SLC35A3: variants seen among roughly 807,000 people sequenced by gnomAD.
SLC35A3 encodes the protein solute carrier family 35 member A3.
A neutral mutation model predicts 39.0 loss-of-function variants in SLC35A3; 26 were observed. The observed-to-expected ratio is 0.67, with a 90% CI of 0.49 to 0.92. The LOEUF (loss-of-function observed/expected upper bound fraction) is 0.92. Among genes scored for constraint, SLC35A3 ranks in the 40% least tolerant of loss-of-function variants. The pLI is 0.00. For synonymous variants in SLC35A3, 135 were observed against 133.1 expected (o/e 1.01, Z -0.10); for missense variants, 299 against 371.6 (o/e 0.80, Z 1.61).
In SLC35A3 at chr1:99,993,625, T is replaced by C; in HGVS notation, c.71T>C (p.Met24Thr). The C allele has an allele frequency of 6.2e-7, 1 of 1,614,094 alleles. No individual in the cohort carries two copies. Among genetic ancestry groups the C allele is most frequent in the Non-Finnish European group, 8.5e-7 (1 of 1,179,966 alleles). The change falls in exon 2 of 8, where the codon ATG becomes ACG. Residue 24 changes from methionine to threonine, a missense_variant. By Grantham distance (81) the Met-to-Thr change is moderately conservative. Coordinates refer to ENST00000533028, the MANE Select transcript of SLC35A3 (RefSeq NM_012243.3). ...VFQTTSLVLT[M>T]RYSRTLKEEG... is the part of the protein sequence containing the mutation. Reference sequence around the variant, plus strand: ...CAGACTACCAGTTTGGTTCTAACAATGCGTTATTCCAGAACTTTAAAAGAA... The same window carrying C: ...CAGACTACCAGTTTGGTTCTAACAACGCGTTATTCCAGAACTTTAAAAGAA...
At chr1:100,012,579 CATG>C (rs1557842444) in intron 5 of SLC35A3, among the ~76,000 whole-genome samples, 1 of 152,118 alleles carries the variant, frequency 6.6e-6, no homozygotes, top group Non-Finnish European at 1.5e-5. Context: ...CAAAGATTAA[CATG>C]ATAAGATCCA....
At position 100,015,432 on chromosome 1, in the gene SLC35A3, A is replaced by G. The variant is rs756621056; in HGVS notation, c.753+12A>G. On this transcript the variant is annotated intron_variant, in intron 6 of 7. Coordinates refer to ENST00000533028, the MANE Select transcript of SLC35A3 (RefSeq NM_012243.3). Reference sequence around the variant, plus strand: ...TAGTTGTTCTTCAGGTAAAGCATTTAAAGTCTTAGATTTAATGCTAATAAA... The same window carrying G: ...TAGTTGTTCTTCAGGTAAAGCATTTGAAGTCTTAGATTTAATGCTAATAAA... 6 of 1,593,984 alleles carry G rather than the reference A, an allele frequency of 3.8e-6. No individual in the cohort carries two copies. The South Asian group carries it at 6.9e-5, about 18-fold the overall frequency.
Position 100,034,908 on chromosome 1 carries a change from CATTA to C in SLC35A3, c.*12436_*12439del, listed in dbSNP as rs772207488. 2.0e-5 allele frequency: 3 copies of C among 152,154 alleles called. No individual in the cohort carries two copies. The highest frequency in any genetic ancestry group is 1.9e-4 in the East Asian group (1 of 5,194). The allele number at this position is 152,154 out of a possible 1,614,324, so 9.4% of individuals were successfully genotyped here. ...TTCTAAGCCTGATTCTTGGCCTTCTCATTAATTTTCAAAACTTCCAATATCCTTC... is the reference window on the plus strand; with the variant it reads ...TTCTAAGCCTGATTCTTGGCCTTCTCATTTTCAAAACTTCCAATATCCTTC... On this transcript the variant is annotated 3_prime_UTR_variant, in exon 8 of 8. Transcript: ENST00000533028.
chr1:99,989,976 T>C (rs1657978367), intron 1 of SLC35A3, among the ~76,000 whole-genome samples: 1 of 152,068 alleles, frequency 6.6e-6, no homozygotes, highest in Non-Finnish European at 1.5e-5. Flanking sequence ...AAGCTGGTCT[T>C]GAACTTCTGG....
chr1:100,016,832 A>T (rs981562207), intron 6 of SLC35A3, among the ~76,000 whole-genome samples: 2 of 152,212 alleles, frequency 1.3e-5, no homozygotes, highest in African/African-American at 4.8e-5. Context: ...CCCTTCCCTT[A>T]AAAAGGGGCT....
At chr1:99,981,930 G>A (rs56215716) in intron 1 of SLC35A3, among the ~76,000 whole-genome samples, 37,991 of 151,502 alleles carry the variant, frequency 0.25, 7,280 homozygotes, top group African/African-American at 0.54. Context: ...CAGACTATAC[G>A]TTGGTGAGCC....
intron 1 of SLC35A3, among the ~76,000 whole-genome samples, chr1:99,973,721 T>C (rs1025088609): frequency 6.6e-6 from 1 of 152,080 alleles, no homozygotes; most frequent in Admixed American, 6.6e-5. Context: ...AGAATTACGA[T>C]GAAGCTGAAA....
intron 2 of SLC35A3, among the ~76,000 whole-genome samples, chr1:99,998,962 CTT>C (rs1658579354): frequency 2.6e-5 from 4 of 152,072 alleles, no homozygotes; most frequent in Admixed American, 2.6e-4. Context: ...CAAATTAAAA[CTT>C]TGAGATTTTG....
chr1:99,983,494 G>A (rs1278970676), intron 1 of SLC35A3, among the ~76,000 whole-genome samples: 3 of 151,504 alleles, frequency 2.0e-5, no homozygotes, highest in African/African-American at 4.9e-5. Context: ...AGCCGAGATC[G>A]CGCCACTGCA....
chr1:100,011,284 T>C (rs1659615536), intron 4 of SLC35A3, 81 bp from the exon 5 acceptor site: 2 of 599,028 alleles, frequency 3.3e-6, no homozygotes, highest in Non-Finnish European at 5.4e-6. Context: ...TTTTAAGTTA[T>C]GGTCTAAGAG....
intron 7 of SLC35A3, among the ~76,000 whole-genome samples, chr1:100,020,740 T>A (rs1400836981): frequency 6.6e-6 from 1 of 152,170 alleles, no homozygotes; most frequent in Non-Finnish European, 1.5e-5. Context: ...GCTGGGGTAG[T>A]TCTGCCTAGG....
In SLC35A3 at chr1:100,003,338, C is replaced by T. The variant is rs184059369; in HGVS notation, c.343-3696C>T. ...GGCTGAGGTAGGAGAATTGCTTGAA[C>T]CCAGGAGGCGGAGGTTGCCGTGAGC... is the stretch of plus-strand genomic sequence containing the variant. On this transcript the variant is annotated intron_variant, in intron 3 of 7. Coordinates refer to ENST00000533028, the MANE Select transcript of SLC35A3 (RefSeq NM_012243.3). Among the ~76,000 whole-genome samples, 251 of 149,438 alleles carry T rather than the reference C, an allele frequency of 1.7e-3. 3 individuals are homozygous for T. The highest frequency in any genetic ancestry group is 5.8e-3 in the African/African-American group (234 of 40,520).
At chr1:100,005,822 C>A (rs960766735) in intron 3 of SLC35A3, among the ~76,000 whole-genome samples, 1 of 152,032 alleles carries the variant, frequency 6.6e-6, no homozygotes, top group African/African-American at 2.4e-5. Context: ...ATGTTGAATT[C>A]TTTTTCAGGC....
At chr1:100,009,694 A>C (rs1195822208) in intron 4 of SLC35A3, 1 of 152,244 alleles carries the variant, frequency 6.6e-6, no homozygotes, top group African/African-American at 2.4e-5. Context: ...GTGATGTAAG[A>C]GTTGTTCCAA....
At chr1:99,993,461 C>T (rs1557829943) in intron 1 of SLC35A3, 76 bp from the exon 2 acceptor site, 6 of 1,239,572 alleles carry the variant, frequency 4.8e-6, no homozygotes, top group Non-Finnish European at 5.6e-6. Flanking sequence ...TCCCTTCTCC[C>T]TCTCGGTGTT....
At chr1:100,011,326 T>C (rs897401388) in intron 4 of SLC35A3, 39 bp from the exon 5 acceptor site, 7 of 1,119,228 alleles carry the variant, frequency 6.3e-6, no homozygotes, top group Non-Finnish European at 8.8e-6. Context: ...TAAAATGTTA[T>C]GGAAATTAAA....
At chr1:99,984,783 G>C (rs1657655025) in intron 1 of SLC35A3, among the ~76,000 whole-genome samples, 1 of 152,154 alleles carries the variant, frequency 6.6e-6, no homozygotes, top group African/African-American at 2.4e-5. Flanking sequence ...TGTTCTTGCA[G>C]GATTAAAATG....
In SLC35A3 at chr1:100,022,369, GTCT is replaced by G. The variant is rs1291720134; in HGVS notation, c.888-14_888-12del. On this transcript the variant is annotated splice_polypyrimidine_tract_variant and intron_variant, in intron 7 of 7. Coordinates refer to ENST00000533028, the MANE Select transcript of SLC35A3 (RefSeq NM_012243.3). ...AATCTGATTTTCTCTTTTTTATTTT[GTCT>G]TCATCTTATTCAGTGTCTTTTTCCT... The G allele has an allele frequency of 7.6e-7, 1 of 1,324,000 alleles. No individual in the cohort carries two copies. Among genetic ancestry groups the G allele is most frequent in the East Asian group, 2.3e-5 (1 of 42,664 alleles). 82.0% of individuals were successfully genotyped at this position (1,324,000 alleles called of 1,614,324 possible). A position where few individuals can be genotyped will look rare whatever the true frequency, so the allele number is the denominator to read the frequency against.
intron 3 of SLC35A3, among the ~76,000 whole-genome samples, chr1:100,000,461 A>G (rs1250902577): frequency 2.0e-5 from 3 of 152,002 alleles, no homozygotes; most frequent in Non-Finnish European, 4.4e-5. Context: ...TTTATATATT[A>G]TGGATATTAG....
Sources: allele counts gnomAD v4.1 joint callset (sites outside exome capture counted in the v4.1 genomes callset), GRCh38; gene constraint gnomAD v4.1.1; transcripts MANE v1.5; gene names NCBI Gene and HGNC (gene_info 2026-07-23, HGNC 2026-07-21).